Variants in ADK observed in about 807,000 individuals in gnomAD.
The protein encoded by ADK is N6,N6-dimethyladenosine kinase.
In ADK, 24 loss-of-function variants were observed where a neutral mutation model predicts 44.7. That is an observed-to-expected ratio of 0.54 (90% confidence interval 0.39 to 0.76). The LOEUF (loss-of-function observed/expected upper bound fraction) is 0.76, where lower values mean the gene tolerates loss of function less well. Ranked by LOEUF, ADK falls within the 30% of genes least tolerant of loss-of-function variation. The probability of loss-of-function intolerance (pLI) is 0.00; values close to 1 mark genes in which losing one functional copy is unlikely to be tolerated. For synonymous variants in ADK, 128 were observed against 142.6 expected (o/e 0.90, Z 0.73); for missense variants, 321 against 425.1 (o/e 0.76, Z 2.15).
chr10:74,155,941 A>T (rs1276944617), intron 1 of ADK, among the ~76,000 whole-genome samples: 1 of 152,228 alleles, frequency 6.6e-6, no homozygotes, highest in East Asian at 1.9e-4. Flanking sequence ...ATGATATTGC[A>T]TGCCTTTTAC....
At chr10:74,611,152 T>C (rs1852525341) in intron 9 of ADK, among the ~76,000 whole-genome samples, 1 of 151,986 alleles carries the variant, frequency 6.6e-6, no homozygotes, top group South Asian at 2.1e-4. Flanking sequence ...GCCTCCTAAG[T>C]AGCCGGGACT....
chr10:74,604,376 G>C (rs1056356961), intron 9 of ADK, among the ~76,000 whole-genome samples: 1 of 151,968 alleles, frequency 6.6e-6, no homozygotes, highest in African/African-American at 2.4e-5. Context: ...GGGTTTTTAT[G>C]GTTTTATGTT....
In ADK at chr10:74,589,259, GTTC is replaced by G. The variant is rs751019309; in HGVS notation, c.727-20_727-18del. The stretch of plus-strand genomic sequence containing the variant: ...ATTACCGAGCACTTTATAATTAACT[GTTC>G]TTTTTTTTTTTTATTTCAGGAAGCT... On this transcript the variant is annotated intron_variant, in intron 7 of 10. Transcript: ENST00000539909. The G allele has an allele frequency of 8.1e-6, 13 of 1,595,982 alleles. No homozygotes were observed. Among genetic ancestry groups the G allele is most frequent in the South Asian group, 1.1e-5 (1 of 90,728 alleles).
intron 9 of ADK, among the ~76,000 whole-genome samples, chr10:74,632,660 A>G (rs1245668087): frequency 1.3e-5 from 2 of 152,082 alleles, no homozygotes; most frequent in Non-Finnish European, 2.9e-5. Context: ...GCCTAATCTA[A>G]TCTAGTGTGA....
rs139991551 is a variant in ADK, at chr10:74,336,622, A to G, written c.273+21877A>G. 3.8e-3 allele frequency among the ~76,000 whole-genome samples: 576 copies of G among 152,306 alleles called. 1 individual carries two copies. The highest frequency in any genetic ancestry group is 0.013 in the African/African-American group (539 of 41,556). ...AATTGAAGAGAGTTATGAAATAATAATAAATAGAAAAAGTAAATAGAGAAA... is the reference window on the plus strand; with the variant it reads ...AATTGAAGAGAGTTATGAAATAATAGTAAATAGAAAAAGTAAATAGAGAAA... On this transcript the variant is annotated intron_variant, in intron 4 of 10. Transcript: ENST00000539909.
intron 4 of ADK, among the ~76,000 whole-genome samples, chr10:74,381,115 C>T (rs1842965236): frequency 6.6e-6 from 1 of 151,944 alleles, no homozygotes; most frequent in South Asian, 2.1e-4. Context: ...TAGAATTGTT[C>T]TTTGTCAAGT....
At chr10:74,301,757 T>C (rs1296709189) in intron 3 of ADK, among the ~76,000 whole-genome samples, 1 of 152,114 alleles carries the variant, frequency 6.6e-6, no homozygotes, top group Non-Finnish European at 1.5e-5. Context: ...AAAGAAAGCT[T>C]TCTGACCCTC....
intron 6 of ADK, among the ~76,000 whole-genome samples, chr10:74,523,161 A>G (rs1227275833): frequency 6.6e-6 from 1 of 152,218 alleles, no homozygotes; most frequent in African/African-American, 2.4e-5. Context: ...GGTTTGATGT[A>G]AGGAAAAAAC....
intron 3 of ADK, among the ~76,000 whole-genome samples, chr10:74,278,680 G>C (rs972666980): frequency 1.3e-5 from 2 of 151,438 alleles, no homozygotes; most frequent in Admixed American, 6.6e-5. Flanking sequence ...TTTATTTTTA[G>C]AGTTGGGGTC....
At chr10:74,468,650 C>T (rs1020133738) in intron 6 of ADK, among the ~76,000 whole-genome samples, 2 of 152,080 alleles carry the variant, frequency 1.3e-5, no homozygotes, top group African/African-American at 2.4e-5. Context: ...CAGTTCTCCT[C>T]TTCTGAAATG....
At chr10:74,639,590 A>G (rs1323648481) in intron 9 of ADK, among the ~76,000 whole-genome samples, 1 of 152,250 alleles carries the variant, frequency 6.6e-6, no homozygotes, top group African/African-American at 2.4e-5. Context: ...TAATCCCAAC[A>G]CTTTGGGAGG....
At chr10:74,210,381 A>T (rs1843770964) in intron 2 of ADK, among the ~76,000 whole-genome samples, 1 of 151,342 alleles carries the variant, frequency 6.6e-6, no homozygotes, top group African/African-American at 2.4e-5. Flanking sequence ...TGACAGGAGT[A>T]GTTGAGGAGA....
chr10:74,232,011 G>C (rs1028860497), intron 3 of ADK, among the ~76,000 whole-genome samples: 1 of 149,878 alleles, frequency 6.7e-6, no homozygotes, highest in Non-Finnish European at 1.5e-5. Context: ...GGTTACTTCC[G>C]TAAGGATCCA....
Position 74,476,188 on chromosome 10 carries a change from A to G in ADK, c.556-49068A>G, listed in dbSNP as rs541045208. ...ACTTATTTATGCAAACCTAGTATAC[A>G]TATAAAGTCGTTTAAAAATTGCTGG... On this transcript the variant is annotated intron_variant, in intron 6 of 10. Transcript: ENST00000539909. Among the ~76,000 whole-genome samples the G allele has an allele frequency of 2.6e-5, 4 of 152,266 alleles. No homozygotes were observed. In the East Asian group the frequency reaches 5.8e-4, roughly 22 times the overall value.
At position 74,677,965 on chromosome 10, in the gene ADK, CAAAAAAAAAA is replaced by C. The variant is rs3037448; in HGVS notation, c.964+7714_964+7723del. ...CAGCACAGTGAGACCCCAGTCTCTA[CAAAAAAAAAA>C]AAAAAAAAAAAAAAAAATAGCCAGG... On this transcript the variant is annotated intron_variant, in intron 10 of 10. Transcript: ENST00000539909. Among the ~76,000 whole-genome samples the C allele has an allele frequency of 8.4e-3, 360 of 43,074 alleles. 7 individuals are homozygous for C. Among genetic ancestry groups the C allele is most frequent in the African/African-American group, 0.031 (321 of 10,286 alleles). 28.3% of individuals were successfully genotyped at this position (43,074 alleles called of 152,430 possible).
intron 9 of ADK, among the ~76,000 whole-genome samples, chr10:74,661,104 C>A (rs1030278500): frequency 6.6e-6 from 1 of 151,980 alleles, no homozygotes; most frequent in African/African-American, 2.4e-5. Flanking sequence ...GGAATGTGAA[C>A]CCAAGCAGTC....
chr10:74,404,149 G>A (rs191045761), intron 6 of ADK, among the ~76,000 whole-genome samples: 45 of 148,828 alleles, frequency 3.0e-4, no homozygotes, highest in Admixed American at 1.8e-3. Context: ...TGGGATTACA[G>A]GCATGAGCCA....
intron 4 of ADK, among the ~76,000 whole-genome samples, chr10:74,327,267 A>G (rs563798815): frequency 6.6e-6 from 1 of 151,924 alleles, no homozygotes; most frequent in Non-Finnish European, 1.5e-5. Flanking sequence ...TAATTTTTTC[A>G]TTGACCATGT....
At chr10:74,247,007 A>G (rs79422922) in intron 3 of ADK, among the ~76,000 whole-genome samples, 2,992 of 152,000 alleles carry the variant, frequency 0.02, 44 homozygotes, top group Non-Finnish European at 0.026. Flanking sequence ...TAGATATTAA[A>G]GCTCCTTGAA....
Sources: gnomAD v4.1 joint callset for allele counts (sites outside exome capture counted in the v4.1 genomes callset) on GRCh38, gnomAD v4.1.1 for gene constraint, MANE v1.5 for transcripts, NCBI Gene and HGNC (gene_info 2026-07-23, HGNC 2026-07-21) for gene names.